The following BLOC1S6 variants were observed in gnomAD, a reference collection of about 807,000 sequenced individuals.
BLOC1S6 encodes the protein biogenesis of lysosomal organelles complex 1 subunit 6.
A neutral mutation model predicts 24.7 loss-of-function variants in BLOC1S6; 24 were observed. The ratio of observed to expected loss-of-function variants is 0.97; its 90% CI spans 0.70 to 1.37. The LOEUF (loss-of-function observed/expected upper bound fraction) is 1.37, where lower values mean the gene tolerates loss of function less well. Ranked by LOEUF, BLOC1S6 falls within the 40% of genes most tolerant of loss-of-function variation. BLOC1S6 has a pLI of 0.00. For synonymous variants in BLOC1S6, 76 were observed against 72.6 expected, an observed-to-expected ratio of 1.05 and a Z score of -0.23; for missense variants, 175 against 196.2, an observed-to-expected ratio of 0.89 and a Z score of 0.64.
rs1209687570 is a variant in BLOC1S6 at position 45,592,238 on chromosome 15, A to G, written c.186A>G (p.Pro62=). ...LAEGLLSHYL[P]DLQRSKQALQ... is the part of the protein sequence containing the mutation. ...AAGGATTGCTTTCTCATTATTTGCC[A>G]GATCTGCAGAGATCAAAACAAGCCC... Residue 62 remains proline (P), a synonymous_variant, in exon 2 of 5, where the codon CCA becomes CCG. Coordinates refer to ENST00000220531, the MANE Select transcript of BLOC1S6 (RefSeq NM_012388.4). 4 of 1,614,022 alleles carry G rather than the reference A, an allele frequency of 2.5e-6. No homozygotes were observed. The highest frequency in any genetic ancestry group is 3.4e-6 in the Non-Finnish European group (4 of 1,180,046).
rs1459844451 is a variant in BLOC1S6, at chr15:45,599,428, C to T, written c.225-3672C>T. On this transcript the variant is annotated intron_variant, in intron 2 of 4. Transcript: ENST00000220531. ...CAACATGGGAGAAAATTTTCGCAAC[C>T]TACTCATCTGACAAAGGGCTAATAC... 51 of 127,044 alleles carry T rather than the reference C, an allele frequency of 4.0e-4. 3 individuals are homozygous for T. Among genetic ancestry groups the T allele is most frequent in the Middle Eastern group, 3.7e-3 (1 of 270 alleles). 7.9% of individuals were successfully genotyped at this position (127,044 alleles called of 1,614,324 possible).
At position 45,596,202 on chromosome 15, in the gene BLOC1S6, T is replaced by G. The variant is rs140461068; in HGVS notation, c.224+3926T>G. Among the ~76,000 whole-genome samples the G allele has an allele frequency of 2.1e-3, 312 of 151,766 alleles. 1 individual carries two copies. The highest frequency in any genetic ancestry group is 3.4e-3 in the Middle Eastern group (1 of 290). On this transcript the variant is annotated intron_variant, in intron 2 of 4. Coordinates refer to ENST00000220531, the MANE Select transcript of BLOC1S6 (RefSeq NM_012388.4). The stretch of plus-strand genomic sequence containing the variant: ...CAGTTGCTTCAGCACCATTTATTGT[T>G]GTTGTTGTTGTTTGAGACAGGGTCT...
chr15:45,592,389 A>G, intron 2 of BLOC1S6, 113 bp downstream of exon 2: 1 of 1,277,516 alleles, frequency 7.8e-7, no homozygotes, highest in Admixed American at 1.8e-5. Flanking sequence ...ATTATAATTG[A>G]GTATGTCTAT....
At chr15:45,601,777 T>G (rs1041202709) in intron 2 of BLOC1S6, among the ~76,000 whole-genome samples, 1 of 152,162 alleles carries the variant, frequency 6.6e-6, no homozygotes, top group African/African-American at 2.4e-5. Context: ...TGCTGTCCTG[T>G]GTATCTCAGA....
intron 4 of BLOC1S6, 41 bp downstream of exon 4, chr15:45,605,555 G>A (rs542830872): frequency 4.7e-5 from 58 of 1,229,724 alleles, no homozygotes; most frequent in East Asian, 1.7e-4. Context: ...AAAAGTAGAG[G>A]TTTAATTGTT....
chr15:45,604,002 A>G (rs913929076), intron 3 of BLOC1S6, among the ~76,000 whole-genome samples: 2 of 152,224 alleles, frequency 1.3e-5, no homozygotes, highest in South Asian at 2.1e-4. Flanking sequence ...ACTCTGTATT[A>G]TAAGAAACAA....
chr15:45,606,590 G>A lies in BLOC1S6; in HGVS notation c.*76G>A, dbSNP rs1255318516. The A allele has an allele frequency of 2.5e-6, 4 of 1,592,848 alleles. No individual in the cohort carries two copies. The highest frequency in any genetic ancestry group is 3.4e-6 in the Non-Finnish European group (4 of 1,161,160). ...GACTCAAGTGTAGACTGAAGTTGAG[G>A]TAGTGCCTTATGCCATTATGTCATA... is the stretch of plus-strand genomic sequence containing the variant. On this transcript the variant is annotated 3_prime_UTR_variant, in exon 5 of 5. Transcript: ENST00000220531.
In BLOC1S6 at chr15:45,606,464, G is replaced by A. The variant is rs1253763397; in HGVS notation, c.469G>A (p.Glu157Lys). Residue 157 changes from glutamate (E) to lysine (K), a missense_variant, in exon 5 of 5, where the codon GAG (glutamate) becomes AAG (lysine). By Grantham distance (56) the Glu-to-Lys change is moderately conservative. Coordinates refer to ENST00000220531, the MANE Select transcript of BLOC1S6 (RefSeq NM_012388.4). ...GGAAAGGGAGCAGCAACGAGAGAAG[G>A]AGTTTGAAAGAGAAAAGCAGTTAAC... The part of the protein sequence containing the change: ...ELEREQQREK[E>K]FEREKQLTAR... 3.1e-6 allele frequency: 5 copies of A among 1,614,124 alleles called. No homozygotes were observed. The highest frequency in any genetic ancestry group is 2.2e-5 in the East Asian group (1 of 44,870).
intron 2 of BLOC1S6, among the ~76,000 whole-genome samples, chr15:45,593,965 T>C (rs1317314234): frequency 1.3e-5 from 2 of 152,184 alleles, no homozygotes; most frequent in Non-Finnish European, 2.9e-5. Flanking sequence ...TAGTAGTTAA[T>C]ATGCTTCTTG....
At chr15:45,592,351 G>T in intron 2 of BLOC1S6, 75 bp downstream of exon 2, 1 of 1,535,470 alleles carries the variant, frequency 6.5e-7, no homozygotes, top group East Asian at 2.3e-5. Flanking sequence ...TGTATACTGT[G>T]TTAAGACATA....
At chr15:45,587,772 A>G in intron 1 of BLOC1S6, 1 of 702,842 alleles carries the variant, frequency 1.4e-6, no homozygotes, top group South Asian at 1.5e-5. Flanking sequence ...TGGTGAAGCC[A>G]TTCTGAGTTT....
At chr15:45,587,551 G>A in intron 1 of BLOC1S6, 26 bp downstream of exon 1, 6 of 1,549,360 alleles carry the variant, frequency 3.9e-6, no homozygotes, top group Non-Finnish European at 5.2e-6. Flanking sequence ...TGGGAAGCGC[G>A]GCCCGGGCTG....
intron 2 of BLOC1S6, chr15:45,602,467 A>T: frequency 1.8e-6 from 1 of 557,180 alleles, no homozygotes; most frequent in Non-Finnish European, 3.2e-6. Context: ...CTCTTCCTCA[A>T]TGAGTTTTGA....
At chr15:45,591,285 G>A (rs1893875510) in intron 1 of BLOC1S6, among the ~76,000 whole-genome samples, 1 of 151,950 alleles carries the variant, frequency 6.6e-6, no homozygotes, top group African/African-American at 2.4e-5. Flanking sequence ...CTACATTTTT[G>A]TTTCCATAGA....
chr15:45,587,794 C>T, intron 1 of BLOC1S6: 1 of 701,748 alleles, frequency 1.4e-6, no homozygotes, highest in East Asian at 2.7e-5. Flanking sequence ...TGTGTTGACT[C>T]CGGTACGTCA....
intron 2 of BLOC1S6, among the ~76,000 whole-genome samples, chr15:45,597,060 A>G (rs990390044): frequency 9.2e-5 from 14 of 152,150 alleles, no homozygotes; most frequent in African/African-American, 3.4e-4. Flanking sequence ...TGGCTCTTCT[A>G]TGTCTTTGCC....
intron 2 of BLOC1S6, among the ~76,000 whole-genome samples, chr15:45,596,639 A>G (rs887577728): frequency 6.6e-6 from 1 of 151,180 alleles, no homozygotes; most frequent in Non-Finnish European, 1.5e-5. Flanking sequence ...TTCTTTTGCC[A>G]TTACCATGCT....
At chr15:45,591,555 C>G (rs549013416) in intron 1 of BLOC1S6, among the ~76,000 whole-genome samples, 7 of 152,276 alleles carry the variant, frequency 4.6e-5, no homozygotes, top group Non-Finnish European at 7.4e-5. Flanking sequence ...ACCTCAGCCT[C>G]CTGAATAGCT....
At chr15:45,587,128 C>G (rs2140898633), upstream of BLOC1S6, 1 of 439,116 alleles carries the variant, frequency 2.3e-6, no homozygotes, top group Admixed American at 3.6e-5. Flanking sequence ...TCGTGACCCA[C>G]CCCGTGAGCA....
Sources: allele counts gnomAD v4.1 joint callset (sites outside exome capture counted in the v4.1 genomes callset), GRCh38; gene constraint gnomAD v4.1.1; transcripts MANE v1.5; gene names NCBI Gene and HGNC (gene_info 2026-07-23, HGNC 2026-07-21).